The following WASHC2C variants were observed in gnomAD, a reference collection of about 807,000 sequenced individuals.
WASHC2C encodes WASH complex subunit 2C, also known as Vaccinia Penetration Factor.
WASHC2C carries 73 observed loss-of-function variants against 142.2 expected under a neutral mutation model. That is an observed-to-expected ratio of 0.51 (90% CI 0.43 to 0.62). WASHC2C has a LOEUF of 0.62. Ranked by LOEUF, WASHC2C falls within the 20% of genes least tolerant of loss-of-function variation. The pLI, the probability that WASHC2C is intolerant of heterozygous loss-of-function variation, is 0.00. For synonymous variants in WASHC2C, 337 were observed against 565.5 expected, an observed-to-expected ratio of 0.60 and a Z score of 5.73; for missense variants, 969 against 1,531.7, an observed-to-expected ratio of 0.63 and a Z score of 6.13.
intron 19 of WASHC2C, among the ~76,000 whole-genome samples, chr10:45,768,234 G>GAAAAAAAAA (rs1169870861): frequency 2.6e-5 from 2 of 76,482 alleles, no homozygotes; most frequent in Admixed American, 1.4e-4. Flanking sequence ...CTCGAAAAAG[G>GAAAAAAAAA]AAAAAAAAAA....
rs1359174048 is a variant in WASHC2C, at chr10:45,754,412, C to T, written c.1181-74C>T. ...GGTACTAGCTGTGTGTTACATTGCA[C>T]GTATTTCAGGAAGAAAATAGCAAGG... On this transcript the variant is annotated intron_variant, in intron 13 of 30. Transcript: ENST00000623400. 2.0e-5 allele frequency: 32 copies of T among 1,604,236 alleles called. No homozygotes were observed. In the African/African-American group the frequency reaches 3.5e-4, roughly 18 times the overall value.
At chr10:45,786,984 A>G in intron 27 of WASHC2C, 51 bp from the exon 28 acceptor site, 3 of 1,609,796 alleles carry the variant, frequency 1.9e-6, no homozygotes, top group Non-Finnish European at 2.5e-6. Flanking sequence ...AATAAAGATA[A>G]TAGACTGCTG....
intron 13 of WASHC2C, among the ~76,000 whole-genome samples, 164 bp downstream of exon 13, chr10:45,753,401 A>G (rs1408729851): frequency 1.7e-4 from 25 of 145,342 alleles, no homozygotes; most frequent in Non-Finnish European, 3.4e-4. Flanking sequence ...TCACTAATTC[A>G]TGTCTTGGAA....
chr10:45,788,103 T>C (rs1431572472), intron 28 of WASHC2C, among the ~76,000 whole-genome samples: 1 of 152,224 alleles, frequency 6.6e-6, no homozygotes, highest in Admixed American at 6.5e-5. Context: ...ACGACAATTT[T>C]CATTGGCTTT....
At position 45,787,028 on chromosome 10, in the gene WASHC2C, T is replaced by A; in HGVS notation, c.2875-7T>A. On this transcript the variant is annotated splice_polypyrimidine_tract_variant and splice_region_variant and intron_variant, in intron 27 of 30. Transcript: ENST00000623400. The stretch of plus-strand genomic sequence containing the variant: ...AACAAATACAGAGTTTCATTTTTCT[T>A]CTTTAGGCAAATTTAGCGATCAACC... 1 of 1,597,740 alleles carries A rather than the reference T, an allele frequency of 6.3e-7. No individual in the cohort carries two copies. Among genetic ancestry groups the A allele is most frequent in the South Asian group, 1.1e-5 (1 of 89,912 alleles).
In WASHC2C at chr10:45,727,276, C is replaced by G. The variant is rs10793625; in HGVS notation, c.-42C>G. The stretch of plus-strand genomic sequence containing the variant: ...CTTCCGGGGCTCTGCGGTCCTCGGC[C>G]TGTGCTGGCAGCCTCGGAGCCCACC... On this transcript the variant is annotated 5_prime_UTR_variant, in exon 1 of 31. Transcript: ENST00000623400. The G allele has an allele frequency of 0.3, 465,280 of 1,543,268 alleles. 71,528 individuals carry two copies. The highest frequency in any genetic ancestry group is 0.34 in the Admixed American group (16,914 of 49,900).
At position 45,728,956 on chromosome 10, in the gene WASHC2C, C is replaced by T; in HGVS notation, c.221C>T (p.Ala74Val). 1.2e-6 allele frequency: 2 copies of T among 1,613,960 alleles called. No individual in the cohort carries two copies. Among genetic ancestry groups the T allele is most frequent in the African/African-American group, 1.3e-5 (1 of 75,050 alleles). Residue 74 changes from alanine (A) to valine (V), a missense_variant, in exon 3 of 31, where the codon GCC becomes GTC. Physicochemically the swap from Ala to Val is moderately conservative, Grantham distance 64 (BLOSUM62 0). Transcript: ENST00000623400. ...QVDGLIRETKATDCRLHNVFN... is the reference protein window; with the variant it reads ...QVDGLIRETKVTDCRLHNVFN... ...GACGGACTAATCCGGGAAACCAAAG[C>T]CACAGATTGTCGCCTGCATAATGTC...
intron 21 of WASHC2C, among the ~76,000 whole-genome samples, chr10:45,775,923 G>A (rs1251801141): frequency 6.6e-6 from 1 of 151,814 alleles, no homozygotes; most frequent in Non-Finnish European, 1.5e-5. Flanking sequence ...CTCATGATCC[G>A]CCCACCTTGG....
chr10:45,736,405 C>CAAAAAAA (rs71520974), intron 3 of WASHC2C, among the ~76,000 whole-genome samples: 8 of 24,552 alleles, frequency 3.3e-4, no homozygotes, highest in African/African-American at 5.7e-4. Context: ...GACTCCATCT[C>CAAAAAAA]AAAAAAAAAA....
chr10:45,775,207 C>T (rs2056944828), intron 21 of WASHC2C, among the ~76,000 whole-genome samples: 1 of 149,562 alleles, frequency 6.7e-6, no homozygotes, highest in Non-Finnish European at 1.5e-5. Flanking sequence ...GTAAATTTGA[C>T]CAGGCACGGT....
chr10:45,769,013 C>T (rs562507385), intron 19 of WASHC2C, among the ~76,000 whole-genome samples: 2 of 152,230 alleles, frequency 1.3e-5, no homozygotes, highest in Admixed American at 1.3e-4. Flanking sequence ...GAGCTTTCTT[C>T]AAGACTGATG....
intron 13 of WASHC2C, among the ~76,000 whole-genome samples, chr10:45,753,883 G>A (rs1163309867): frequency 6.7e-6 from 1 of 148,604 alleles, no homozygotes; most frequent in Non-Finnish European, 1.5e-5. Flanking sequence ...GTTTGTGGTA[G>A]TTCTTGGGAC....
chr10:45,735,911 AT>A (rs1366796601), intron 3 of WASHC2C, among the ~76,000 whole-genome samples: 3 of 152,114 alleles, frequency 2.0e-5, no homozygotes, highest in Non-Finnish European at 4.4e-5. Flanking sequence ...ATTAAGATTT[AT>A]TTATTCCCTC....
intron 8 of WASHC2C, among the ~76,000 whole-genome samples, chr10:45,746,848 T>C (rs2052899633): frequency 6.6e-6 from 1 of 152,222 alleles, no homozygotes; most frequent in African/African-American, 2.4e-5. Flanking sequence ...ATAGTTTATT[T>C]TTCTTAGAAA....
chr10:45,728,058 T>G (rs556553868), intron 2 of WASHC2C, among the ~76,000 whole-genome samples: 2 of 152,156 alleles, frequency 1.3e-5, no homozygotes, highest in East Asian at 1.9e-4. Context: ...AGACAGGGTT[T>G]TGCCCTGTCG....
At chr10:45,737,768 ATTTTTT>A (rs782072881) in intron 3 of WASHC2C, among the ~76,000 whole-genome samples, 1 of 135,754 alleles carries the variant, frequency 7.4e-6, no homozygotes, top group African/African-American at 2.7e-5. Flanking sequence ...TTGTATTTAA[ATTTTTT>A]TTTTTTTTTT....
chr10:45,757,232 C>G (rs1346407727), intron 16 of WASHC2C, 93 bp downstream of exon 16: 13 of 1,580,694 alleles, frequency 8.2e-6, no homozygotes, highest in Non-Finnish European at 1.1e-5. Flanking sequence ...TTCCCTTTCA[C>G]GTTCATATTG....
intron 30 of WASHC2C, among the ~76,000 whole-genome samples, chr10:45,791,632 T>C (rs2058400532): frequency 6.8e-6 from 1 of 146,296 alleles, no homozygotes; most frequent in African/African-American, 2.5e-5. Flanking sequence ...GTTTCTGTTT[T>C]CTTTATTACA....
intron 6 of WASHC2C, among the ~76,000 whole-genome samples, chr10:45,744,140 C>G: frequency 6.6e-6 from 1 of 151,066 alleles, no homozygotes. Context: ...CTCACTGCAA[C>G]CTCCACCTCC....
Sources: allele counts gnomAD v4.1 joint callset (sites outside exome capture counted in the v4.1 genomes callset), GRCh38; gene constraint gnomAD v4.1.1; transcripts MANE v1.5; gene names NCBI Gene and HGNC (gene_info 2026-07-23, HGNC 2026-07-21).